The following GTF2IRD1 variants were observed in gnomAD, a reference collection of about 807,000 sequenced individuals.
GTF2IRD1 encodes GTF2I repeat domain containing 1, also known as general transcription factor II-I repeat domain-containing protein 1.
Under a neutral mutation model 113.2 loss-of-function variants are expected in GTF2IRD1, and 26 were observed. The ratio of observed to expected loss-of-function variants is 0.23; its 90% CI spans 0.17 to 0.32. GTF2IRD1 has a LOEUF of 0.32. Ranked by LOEUF, GTF2IRD1 falls within the 10% of genes least tolerant of loss-of-function variation. GTF2IRD1 has a pLI of 1.00. For missense variants in GTF2IRD1, 864 were observed against 1,280.8 expected (o/e 0.67, Z 4.97); for synonymous variants, 484 against 529.1 (o/e 0.91, Z 1.17).
chr7:74,516,718 G>A (rs1408149131), intron 4 of GTF2IRD1, among the ~76,000 whole-genome samples: 6 of 152,170 alleles, frequency 3.9e-5, no homozygotes, highest in Non-Finnish European at 8.8e-5. Flanking sequence ...GACTTGCCAC[G>A]CATGGTTGGC....
At chr7:74,588,817 C>T (rs1459996672) in intron 22 of GTF2IRD1, among the ~76,000 whole-genome samples, 9 of 152,194 alleles carry the variant, frequency 5.9e-5, no homozygotes, top group African/African-American at 1.9e-4. Context: ...TAGGCATGAG[C>T]CACCATGTCA....
intron 24 of GTF2IRD1, among the ~76,000 whole-genome samples, chr7:74,593,841 T>A (rs1802228486): frequency 6.6e-6 from 1 of 151,248 alleles, no homozygotes; most frequent in Non-Finnish European, 1.5e-5. Context: ...AAGGCAGAGG[T>A]TGCAGTGAGC....
intron 22 of GTF2IRD1, among the ~76,000 whole-genome samples, chr7:74,570,715 G>A (rs1419588648): frequency 1.3e-5 from 2 of 152,152 alleles, no homozygotes; most frequent in African/African-American, 4.8e-5. Flanking sequence ...AAAAGCTTTG[G>A]AAGGTAGTGA....
intron 15 of GTF2IRD1, among the ~76,000 whole-genome samples, chr7:74,545,140 G>C (rs1554352863): frequency 6.6e-6 from 1 of 152,160 alleles, no homozygotes; most frequent in Non-Finnish European, 1.5e-5. Flanking sequence ...GTAGATTAGA[G>C]GCCTGAAAGC....
chr7:74,533,915 G>A (rs1191355679), intron 9 of GTF2IRD1, among the ~76,000 whole-genome samples: 1 of 151,978 alleles, frequency 6.6e-6, no homozygotes, highest in Non-Finnish European at 1.5e-5. Flanking sequence ...TATAGTCCCA[G>A]CTACTTGGGA....
chr7:74,465,968 A>C (rs1793681807), intron 1 of GTF2IRD1, among the ~76,000 whole-genome samples: 1 of 151,910 alleles, frequency 6.6e-6, no homozygotes, highest in South Asian at 2.1e-4. Context: ...ACAGGGTTTC[A>C]CCATGTTGCC....
chr7:74,593,753 A>T (rs1177228495), intron 24 of GTF2IRD1, among the ~76,000 whole-genome samples: 1 of 149,640 alleles, frequency 6.7e-6, no homozygotes, highest in Non-Finnish European at 1.5e-5. Context: ...AAAAAAAAAA[A>T]ATTAGCTAAG....
chr7:74,490,244 G>A (rs1208991161), intron 1 of GTF2IRD1, among the ~76,000 whole-genome samples: 6 of 152,108 alleles, frequency 3.9e-5, no homozygotes, highest in South Asian at 2.1e-4. Flanking sequence ...GATTACAGGC[G>A]TGAGCCACTG....
At chr7:74,492,677 C>A (rs1378643059) in intron 1 of GTF2IRD1, among the ~76,000 whole-genome samples, 1 of 151,898 alleles carries the variant, frequency 6.6e-6, no homozygotes, top group Non-Finnish European at 1.5e-5. Flanking sequence ...AGAGAAATTT[C>A]TATTCTCACA....
chr7:74,481,074 G>A (rs1331393124), intron 1 of GTF2IRD1, among the ~76,000 whole-genome samples: 2 of 152,218 alleles, frequency 1.3e-5, no homozygotes, highest in Non-Finnish European at 2.9e-5. Flanking sequence ...GCCCCCGCCT[G>A]GGGCCAACTT....
intron 22 of GTF2IRD1, among the ~76,000 whole-genome samples, chr7:74,574,150 A>ATTTTTTTTTTTTTTTTTT (rs71094796): frequency 1.9e-5 from 2 of 104,826 alleles, no homozygotes; most frequent in Non-Finnish European, 1.9e-5. Context: ...CACCAAGCTA[A>ATTTTTTTTTTTTTTTTTT]TTTTTTTTTT....
At chr7:74,549,424 T>A (rs1799159158) in intron 17 of GTF2IRD1, among the ~76,000 whole-genome samples, 1 of 152,174 alleles carries the variant, frequency 6.6e-6, no homozygotes. Context: ...AGCGTCATTT[T>A]TCATACAGTG....
Position 74,512,890 on chromosome 7 carries a change from G to A in GTF2IRD1, c.184G>A (p.Ala62Thr), listed in dbSNP as rs782360413. ...VACVAVHDES[A>T]FVVGTEKGRM... ...CTGTGTCGCCGTGCACGATGAGAGC[G>A]CCTTTGTGGTGGGCACAGAGAAGGG... The change falls in exon 3 of 27, where the codon GCC becomes ACC. Residue 62 changes from alanine to threonine, a missense_variant. Transcript: ENST00000424337. The surrounding 1 kb of genome is among the most constrained non-coding windows in gnomAD (Gnocchi z 4.4). 1.5e-5 allele frequency: 25 copies of A among 1,613,902 alleles called. No individual in the cohort carries two copies. The highest frequency in any genetic ancestry group is 1.3e-4 in the East Asian group (6 of 44,904).
intron 19 of GTF2IRD1, among the ~76,000 whole-genome samples, chr7:74,556,432 T>C (rs1554356869): frequency 6.6e-6 from 1 of 151,530 alleles, no homozygotes; most frequent in Non-Finnish European, 1.5e-5. Flanking sequence ...GCAATTCTCC[T>C]GCCTCAGGCT....
intron 22 of GTF2IRD1, among the ~76,000 whole-genome samples, chr7:74,588,289 G>A (rs1333708903): frequency 7.9e-5 from 12 of 151,266 alleles, no homozygotes; most frequent in South Asian, 4.2e-4. Context: ...TGTATTTTTA[G>A]TAGAGACGGG....
chr7:74,530,493 A>ATTTT (rs57782999), intron 9 of GTF2IRD1, among the ~76,000 whole-genome samples: 2 of 102,216 alleles, frequency 2.0e-5, no homozygotes, highest in Admixed American at 1.2e-4. Context: ...GCACTTTGTA[A>ATTTT]TTTTTTTTTT....
intron 6 of GTF2IRD1, among the ~76,000 whole-genome samples, chr7:74,520,917 T>C (rs1352162800): frequency 1.3e-5 from 2 of 149,934 alleles, no homozygotes; most frequent in Admixed American, 1.3e-4. Context: ...ATATGTGGGC[T>C]GACCAGGGCT....
chr7:74,494,234 C>T (rs1660763533), intron 1 of GTF2IRD1, among the ~76,000 whole-genome samples: 1 of 152,220 alleles, frequency 6.6e-6, no homozygotes, highest in African/African-American at 2.4e-5. Context: ...CACCACGGCA[C>T]TCCAGCCTGG....
chr7:74,554,184 T>C (rs1799472048), intron 17 of GTF2IRD1, among the ~76,000 whole-genome samples: 1 of 152,152 alleles, frequency 6.6e-6, no homozygotes, highest in Non-Finnish European at 1.5e-5. Flanking sequence ...ATTACCTCTC[T>C]GCTCCATGGC....
Sources: gnomAD v4.1 joint callset for allele counts (sites outside exome capture counted in the v4.1 genomes callset) on GRCh38, gnomAD v4.1.1 for gene constraint, Gnocchi (gnomAD v3.1) non-coding constraint, MANE v1.5 for transcripts, NCBI Gene and HGNC (gene_info 2026-07-23, HGNC 2026-07-21) for gene names.